DNAI2: variants seen among roughly 807,000 people sequenced by gnomAD.
DNAI2 encodes dynein axonemal intermediate chain 2.
A neutral mutation model predicts 74.7 loss-of-function variants in DNAI2; 63 were observed. The ratio of observed to expected loss-of-function variants is 0.84; its 90% CI spans 0.69 to 1.04. The LOEUF (loss-of-function observed/expected upper bound fraction) is 1.04, where lower values mean the gene tolerates loss of function less well. Ranked by LOEUF, DNAI2 falls within the 50% of genes least tolerant of loss-of-function variation. The probability of loss-of-function intolerance (pLI) is 0.00; values close to 1 mark genes in which losing one functional copy is unlikely to be tolerated. For synonymous variants in DNAI2, 289 were observed against 314.9 expected (o/e 0.92, Z 0.87); for missense variants, 688 against 803.2 (o/e 0.86, Z 1.73).
At chr17:74,290,646 G>A (rs935642843) in intron 5 of DNAI2, among the ~76,000 whole-genome samples, 12 of 152,274 alleles carry the variant, frequency 7.9e-5, no homozygotes, top group East Asian at 3.9e-4. Flanking sequence ...GGTGGACTCC[G>A]TCATTATCTG....
In DNAI2 at chr17:74,310,121, G is replaced by T. The variant is rs1759061828; in HGVS notation, c.1452G>T (p.Gly484=). ...CCACCCTGCTGGAGGTCTCGCCTGG[G>T]CTCTCTACCCTCCAGAGGAATGAGA... is the stretch of plus-strand genomic sequence containing the variant. ...GTTTLLEVSP[G]LSTLQRNEKN... is the part of the protein sequence containing the mutation. Residue 484 remains glycine, a synonymous_variant, in exon 11 of 14, where the codon GGG becomes GGT. Coordinates refer to ENST00000311014, the MANE Select transcript of DNAI2 (RefSeq NM_023036.6). 1.2e-6 allele frequency: 2 copies of T among 1,613,758 alleles called. No homozygotes were observed. The highest frequency in any genetic ancestry group is 1.7e-6 in the Non-Finnish European group (2 of 1,180,014).
intron 2 of DNAI2, among the ~76,000 whole-genome samples, chr17:74,283,846 A>G (rs1330367836): frequency 1.3e-5 from 2 of 152,088 alleles, no homozygotes; most frequent in Non-Finnish European, 2.9e-5. Context: ...TGAGAAGTCA[A>G]AGCTGTACTG....
chr17:74,292,614 A>T (rs970934464), intron 6 of DNAI2, among the ~76,000 whole-genome samples: 2 of 151,878 alleles, frequency 1.3e-5, no homozygotes, highest in Middle Eastern at 6.8e-3. Flanking sequence ...ACAAGGTTTC[A>T]TCATGCTGCC....
chr17:74,287,066 G>A lies in DNAI2; in HGVS notation c.435G>A (p.Glu145=). ...AGGAGGCCATGGAAGTGATGGAGGA[G>A]GACCCTTCAGCTAAAACCATCAATG... ...NDEEAMEVME[E]DPSAKTINVF... The change falls in exon 4 of 14, where the codon GAG becomes GAA. Residue 145 remains glutamate (E), a synonymous_variant. Transcript: ENST00000311014. 2 of 1,613,908 alleles carry A rather than the reference G, an allele frequency of 1.2e-6. No homozygotes were observed. The highest frequency in any genetic ancestry group is 1.7e-6 in the Non-Finnish European group (2 of 1,179,830).
At chr17:74,291,846 G>T (rs1162995245) in intron 6 of DNAI2, among the ~76,000 whole-genome samples, 1 of 151,176 alleles carries the variant, frequency 6.6e-6, no homozygotes, top group Non-Finnish European at 1.5e-5. Flanking sequence ...CCTTCTGGAA[G>T]TTTGTGAAGA....
intron 9 of DNAI2, 140 bp from the exon 10 acceptor site, chr17:74,309,113 A>C (rs1399427409): frequency 1.1e-6 from 1 of 907,368 alleles, no homozygotes; most frequent in Non-Finnish European, 1.7e-6. Context: ...TGAGGTCAGC[A>C]CAGCTAGAAG....
chr17:74,314,806 G>A lies in DNAI2; in HGVS notation c.*273G>A, dbSNP rs558140844. 2.5e-4 allele frequency: 43 copies of A among 169,540 alleles called. No homozygotes were observed. Among genetic ancestry groups the A allele is most frequent in the Admixed American group, 1.4e-3 (26 of 18,596 alleles). The allele number at this position is 169,540 out of a possible 1,614,324, so 10.5% of individuals were successfully genotyped here. A position where few individuals can be genotyped will look rare whatever the true frequency, so the allele number is the denominator to read the frequency against. The stretch of plus-strand genomic sequence containing the variant: ...GTATGTGGGAGGGGACGGGCGGGAC[G>A]AGCTTGGCTGTTCTGCTGCACCTGA... On this transcript the variant is annotated 3_prime_UTR_variant, in exon 14 of 14. Transcript: ENST00000311014.
At chr17:74,280,683 G>T (rs1419876242) in intron 1 of DNAI2, among the ~76,000 whole-genome samples, 1 of 152,162 alleles carries the variant, frequency 6.6e-6, no homozygotes, top group Non-Finnish European at 1.5e-5. Flanking sequence ...AGGCCCAGGG[G>T]TCTCAAATCT....
At chr17:74,296,900 G>T (rs1331803191) in intron 6 of DNAI2, among the ~76,000 whole-genome samples, 1 of 152,154 alleles carries the variant, frequency 6.6e-6, no homozygotes, top group Non-Finnish European at 1.5e-5. Flanking sequence ...TTCTTACCAA[G>T]ATTCTGCTGT....
At chr17:74,311,439 C>G (rs1403028080) in intron 11 of DNAI2, among the ~76,000 whole-genome samples, 1 of 152,152 alleles carries the variant, frequency 6.6e-6, no homozygotes, top group Non-Finnish European at 1.5e-5. Context: ...CATGAAGAAA[C>G]CTCGTCTCTA....
chr17:74,301,043 C>T lies in DNAI2; in HGVS notation c.865-3C>T. 1 of 1,613,908 alleles carries T rather than the reference C, an allele frequency of 6.2e-7. No individual in the cohort carries two copies. The highest frequency in any genetic ancestry group is 8.5e-7 in the Non-Finnish European group (1 of 1,179,896). On this transcript the variant is annotated splice_polypyrimidine_tract_variant and splice_region_variant and intron_variant, in intron 7 of 13. Transcript: ENST00000311014. ...GTCTCACTGTCGCCCCTCCTCCCACCAGGTCATGTGGTGGGACATCCGAAA... is the reference window on the plus strand; with the variant it reads ...GTCTCACTGTCGCCCCTCCTCCCACTAGGTCATGTGGTGGGACATCCGAAA...
intron 5 of DNAI2, among the ~76,000 whole-genome samples, chr17:74,290,645 C>T (rs925602758): frequency 1.3e-5 from 2 of 152,184 alleles, no homozygotes; most frequent in African/African-American, 2.4e-5. Flanking sequence ...GGGTGGACTC[C>T]GTCATTATCT....
rs147543928 is a variant in DNAI2, at chr17:74,314,073, G to A, written c.1723-48G>A. The A allele has an allele frequency of 1.3e-3, 2,025 of 1,612,982 alleles. 18 individuals are homozygous for A. The African/African-American group carries it at 0.022, about 17-fold the overall frequency. ...TTCACATCCCAGGGGAGTGGGGAAG[G>A]CCTGTCCCCTACCAACACCAACACT... On this transcript the variant is annotated intron_variant, in intron 12 of 13. Coordinates refer to ENST00000311014, the MANE Select transcript of DNAI2 (RefSeq NM_023036.6).
intron 2 of DNAI2, among the ~76,000 whole-genome samples, chr17:74,284,444 G>A (rs1163005378): frequency 2.0e-5 from 3 of 151,852 alleles, no homozygotes; most frequent in Non-Finnish European, 2.9e-5. Flanking sequence ...ACGGAGTCTC[G>A]CTCTGTCGCC....
At chr17:74,290,949 AG>A in intron 5 of DNAI2, 70 bp from the exon 6 acceptor site, 1 of 1,348,428 alleles carries the variant, frequency 7.4e-7, no homozygotes, top group Non-Finnish European at 1.1e-6. Flanking sequence ...CACCCGCAGA[AG>A]GGGTGAAACT....
rs2051638403 is a variant in DNAI2, at chr17:74,285,191, A to G, written c.335A>G (p.Gln112Arg). The change falls in exon 3 of 14, where the codon CAG (glutamine) becomes CGG (arginine). Residue 112 changes from glutamine (Q) to arginine (R), a missense_variant. By Grantham distance (43) the Gln-to-Arg change is conservative. Coordinates refer to ENST00000311014, the MANE Select transcript of DNAI2 (RefSeq NM_023036.6). Reference protein sequence around the residue: ...KDENYVNAIMQLGSIMEHCIK... With the variant: ...KDENYVNAIMRLGSIMEHCIK... ...GAGAACTACGTTAACGCCATCATGC[A>G]GCTCGGCTCTGTAAGGCTTCCTCCT... 1.9e-6 allele frequency: 3 copies of G among 1,614,126 alleles called. No individual in the cohort carries two copies.
intron 1 of DNAI2, among the ~76,000 whole-genome samples, chr17:74,275,796 A>T (rs1038031531): frequency 6.6e-6 from 1 of 152,040 alleles, no homozygotes; most frequent in Non-Finnish European, 1.5e-5. Flanking sequence ...AGACTGAGGC[A>T]CAAGAATCGC....
At chr17:74,288,806 A>G (rs948873258) in intron 4 of DNAI2, among the ~76,000 whole-genome samples, 2 of 152,156 alleles carry the variant, frequency 1.3e-5, no homozygotes, top group African/African-American at 4.8e-5. Flanking sequence ...ATGAAGAAAA[A>G]AGCAAGGCCG....
chr17:74,289,463 G>A, intron 4 of DNAI2, 131 bp from the exon 5 acceptor site: 1 of 1,161,368 alleles, frequency 8.6e-7, no homozygotes, highest in Non-Finnish European at 1.2e-6. Flanking sequence ...GGAGGCAGAG[G>A]TTGCAGTGAG....
Sources: allele counts gnomAD v4.1 joint callset (sites outside exome capture counted in the v4.1 genomes callset), GRCh38; gene constraint gnomAD v4.1.1; transcripts MANE v1.5; gene names NCBI Gene and HGNC (gene_info 2026-07-23, HGNC 2026-07-21).